LIPJ: variants seen among roughly 807,000 people sequenced by gnomAD.
LIPJ encodes the protein lipase family member J.
In LIPJ, 33 loss-of-function variants were observed where a neutral mutation model predicts 39.8. The observed-to-expected ratio is 0.83, with a 90% CI of 0.63 to 1.11. The LOEUF (loss-of-function observed/expected upper bound fraction) is 1.11, where lower values mean the gene tolerates loss of function less well. Among genes scored for constraint, LIPJ ranks in the 50% least tolerant of loss-of-function variants. The pLI, the probability that LIPJ is intolerant of heterozygous loss-of-function variation, is 0.00. For missense variants in LIPJ, 422 were observed against 427.9 expected (o/e 0.99, Z 0.12); for synonymous variants, 128 against 139.2 (o/e 0.92, Z 0.57).
chr10:88,593,975 G>C (rs1418379964), exon 5 of LIPJ: 2 of 1,612,056 alleles, frequency 1.2e-6, no homozygotes, highest in Non-Finnish European at 1.7e-6. Context: ...CTTGCAACAT[G>C]GTTTGCTTAC....
At chr10:88,613,527 G>A in the LIPJ span, among the ~76,000 whole-genome samples, 10 of 151,746 alleles carry the variant, frequency 6.6e-5, no homozygotes, top group Non-Finnish European at 1.5e-4. Context: ...AGGGTAATGA[G>A]GGTGCAATGG....
chr10:88,604,246 G>C lies in LIPJ; in HGVS notation c.796-1387G>C, dbSNP rs181985956. Among the ~76,000 whole-genome samples the C allele has an allele frequency of 8.5e-5, 13 of 152,264 alleles. No individual in the cohort carries two copies. The East Asian group carries it at 2.5e-3, about 29-fold the overall frequency. ...TGACATTTGGAACATGGAAACTTAGGGAAAGGAGGCAAAAATAATGAGTAA... is the reference window on the plus strand; with the variant it reads ...TGACATTTGGAACATGGAAACTTAGCGAAAGGAGGCAAAAATAATGAGTAA... On this transcript the variant is annotated intron_variant, in intron 9 of 10. Transcript: ENST00000371939.
the LIPJ span, among the ~76,000 whole-genome samples, chr10:88,614,925 C>T: frequency 6.6e-6 from 1 of 152,106 alleles, no homozygotes; most frequent in South Asian, 2.1e-4. Context: ...AATGACAGTG[C>T]CATATGGGGA....
chr10:88,621,823 G>A, the LIPJ span, among the ~76,000 whole-genome samples: 1 of 152,170 alleles, frequency 6.6e-6, no homozygotes, highest in Non-Finnish European at 1.5e-5. Flanking sequence ...ATGGTTTCTG[G>A]AGAGAGCAGA....
upstream of LIPJ, chr10:88,583,473 A>C: frequency 7.7e-7 from 1 of 1,303,910 alleles, no homozygotes; most frequent in Non-Finnish European, 9.8e-7. Flanking sequence ...CGCCCAGAAA[A>C]GCCTGGAAAT....
intron 8 of LIPJ, among the ~76,000 whole-genome samples, chr10:88,599,710 C>T (rs377551826): frequency 0.018 from 2,716 of 149,488 alleles, 62 homozygotes; most frequent in South Asian, 0.082. Context: ...CACACACACA[C>T]ATATATATAT....
At chr10:88,621,099 A>G in the LIPJ span, among the ~76,000 whole-genome samples, 58 of 152,308 alleles carry the variant, frequency 3.8e-4, no homozygotes, top group Non-Finnish European at 6.8e-4. Context: ...GCTTCAACTT[A>G]TGAATTTTTG....
At chr10:88,588,459 A>G (rs74403560) in intron 2 of LIPJ, among the ~76,000 whole-genome samples, 2,926 of 152,008 alleles carry the variant, frequency 0.019, 73 homozygotes, top group South Asian at 0.083. Flanking sequence ...TCATGTTAGA[A>G]AAATGTGTAA....
chr10:88,594,166 A>G, intron 5 of LIPJ, 22 bp downstream of exon 5: 1 of 1,568,310 alleles, frequency 6.4e-7, no homozygotes, highest in South Asian at 1.1e-5. Flanking sequence ...ATGAAGTAAC[A>G]TTTCATTTTA....
At chr10:88,620,043 A>G in the LIPJ span, among the ~76,000 whole-genome samples, 1 of 152,178 alleles carries the variant, frequency 6.6e-6, no homozygotes, top group Admixed American at 6.5e-5. Flanking sequence ...GAAACAAACA[A>G]CTAATTAAAA....
the LIPJ span, among the ~76,000 whole-genome samples, chr10:88,616,494 A>C: frequency 1.3e-5 from 2 of 152,236 alleles, no homozygotes; most frequent in South Asian, 4.1e-4. Flanking sequence ...GTTGGCGCCG[A>C]GCGCCCTTAA....
rs764417290 is a variant in LIPJ, at chr10:88,594,145, G to A, written c.329+1G>A. 2 of 1,602,176 alleles carry A rather than the reference G, an allele frequency of 1.2e-6. No homozygotes were observed. Among genetic ancestry groups the A allele is most frequent in the South Asian group, 2.2e-5 (2 of 89,322 alleles). ...GTTCCAAAGAATTCTGGGCTTTCAG[G>A]TACAAATAAAATGAAGTAACATTTC... On this transcript the variant is annotated splice_donor_variant, in intron 5 of 10. Coordinates refer to ENST00000371939, the Ensembl canonical transcript of LIPJ. LOFTEE classifies it high-confidence loss of function.
intron 9 of LIPJ, among the ~76,000 whole-genome samples, chr10:88,602,953 G>A (rs972864988): frequency 6.6e-6 from 1 of 152,058 alleles, no homozygotes; most frequent in African/African-American, 2.4e-5. Flanking sequence ...TTAGCCAGGT[G>A]TGGTGGCACA....
the LIPJ span, among the ~76,000 whole-genome samples, chr10:88,617,181 C>T: frequency 0.029 from 4,440 of 152,172 alleles, 84 homozygotes; most frequent in Middle Eastern, 0.058. Context: ...GATTCAAAGC[C>T]CGGCTGAGCC....
Position 88,596,956 on chromosome 10 carries a change from G to C in LIPJ, c.723+20G>C. 1 of 1,287,314 alleles carries C rather than the reference G, an allele frequency of 7.8e-7. No homozygotes were observed. The highest frequency in any genetic ancestry group is 2.3e-5 in the East Asian group (1 of 42,872). The allele number at this position is 1,287,314 out of a possible 1,614,324, so 79.7% of individuals were successfully genotyped here. A position where few individuals can be genotyped will look rare whatever the true frequency, so the allele number is the denominator to read the frequency against. On this transcript the variant is annotated intron_variant, in intron 8 of 10. Transcript: ENST00000371939. ...AATATGGTAAGAACAAGTTGTATTTGAAATATATATATTTTCCAATATTTG... is the reference window on the plus strand; with the variant it reads ...AATATGGTAAGAACAAGTTGTATTTCAAATATATATATTTTCCAATATTTG...
At chr10:88,609,999 C>T (rs1851731286), downstream of LIPJ, among the ~76,000 whole-genome samples, 1 of 151,756 alleles carries the variant, frequency 6.6e-6, no homozygotes, top group Admixed American at 6.6e-5. Context: ...TGGCTAAAAG[C>T]CCCCCAATTA....
intron 8 of LIPJ, among the ~76,000 whole-genome samples, chr10:88,601,532 C>A (rs928228360): frequency 6.6e-6 from 1 of 152,154 alleles, no homozygotes; most frequent in African/African-American, 2.4e-5. Context: ...TTCTGCCCAG[C>A]AAGACTACCA....
upstream of LIPJ, chr10:88,583,241 G>T (rs948350062): frequency 5.0e-6 from 8 of 1,603,346 alleles, no homozygotes; most frequent in Non-Finnish European, 5.1e-6. Context: ...GGGCCGTTCG[G>T]CCCGGGCTTT....
chr10:88,619,435 AG>A, the LIPJ span, among the ~76,000 whole-genome samples: 14 of 127,172 alleles, frequency 1.1e-4, no homozygotes, highest in Admixed American at 7.0e-4. Flanking sequence ...TTTATGCAGT[AG>A]AAAAATCCCC....
Sources: allele counts gnomAD v4.1 joint callset (sites outside exome capture counted in the v4.1 genomes callset), GRCh38; gene constraint gnomAD v4.1.1; transcripts MANE v1.5; gene names NCBI Gene and HGNC (gene_info 2026-07-23, HGNC 2026-07-21).